The following TEKTIP1 variants were observed in gnomAD, a reference collection of about 807,000 sequenced individuals.
TEKTIP1 encodes tektin bundle interacting protein 1, also known as tektin bundle-interacting protein 1.
the TEKTIP1 span, chr19:3,543,620 C>T: frequency 2.6e-6 from 4 of 1,544,796 alleles, no homozygotes; most frequent in South Asian, 1.2e-5. Context: ...GTACCAGGCC[C>T]CCAGCACCCG....
At chr19:3,543,075 T>TGAGG in the TEKTIP1 span, 1 of 1,585,634 alleles carries the variant, frequency 6.3e-7, no homozygotes, top group South Asian at 1.1e-5. Flanking sequence ...CACTCTGGGG[T>TGAGG]GAGGGGTACA....
At chr19:3,540,804 C>T in the TEKTIP1 span, among the ~76,000 whole-genome samples, 2 of 132,636 alleles carry the variant, frequency 1.5e-5, no homozygotes, top group African/African-American at 2.9e-5. Flanking sequence ...ACTTGAACCT[C>T]GGAGGCAGAG....
the TEKTIP1 span, among the ~76,000 whole-genome samples, chr19:3,540,547 C>T: frequency 6.6e-6 from 1 of 151,734 alleles, no homozygotes; most frequent in African/African-American, 2.4e-5. Context: ...TGAGGCACCG[C>T]GCCTAGCTGT....
At chr19:3,541,037 C>T in the TEKTIP1 span, among the ~76,000 whole-genome samples, 76 of 150,456 alleles carry the variant, frequency 5.1e-4, no homozygotes, top group Non-Finnish European at 9.3e-4. Context: ...GTTGTGGTGG[C>T]GGGCGCCTGC....
the TEKTIP1 span, chr19:3,543,644 C>T: frequency 6.5e-7 from 1 of 1,544,044 alleles, no homozygotes. Context: ...GGGGAGCGCG[C>T]TGTGGAAAGA....
At chr19:3,542,230 G>T in the TEKTIP1 span, 1 of 985,348 alleles carries the variant, frequency 1.0e-6, no homozygotes, top group African/African-American at 1.7e-5. Flanking sequence ...GTCTATGTGG[G>T]GTCCCTCAAA....
the TEKTIP1 span, among the ~76,000 whole-genome samples, chr19:3,540,370 G>A: frequency 2.0e-5 from 3 of 151,632 alleles, no homozygotes; most frequent in South Asian, 6.2e-4. Flanking sequence ...CGATTCTCCT[G>A]CCTCAGCCTC....
the TEKTIP1 span, chr19:3,539,274 T>TACAGGTGAGCCCCTCCCA: frequency 6.5e-7 from 1 of 1,529,056 alleles, no homozygotes; most frequent in Non-Finnish European, 8.9e-7. Context: ...AGCCCCTCCC[T>TACAGGTGAGCCCCTCCCA]ACAGGTGAGC....
the TEKTIP1 span, chr19:3,539,428 TG>T: frequency 1.2e-5 from 7 of 589,296 alleles, no homozygotes; most frequent in Non-Finnish European, 2.1e-5. Flanking sequence ...CTCCGGCCAG[TG>T]GCCGCTCACT....
chr19:3,543,487 C>CCT, the TEKTIP1 span: 1 of 1,519,526 alleles, frequency 6.6e-7, no homozygotes, highest in Non-Finnish European at 8.8e-7. Flanking sequence ...AGTGCCCCCC[C>CCT]CCCCGCCCTG....
the TEKTIP1 span, chr19:3,541,840 GCT>G: frequency 2.1e-6 from 2 of 964,950 alleles, no homozygotes; most frequent in Non-Finnish European, 2.5e-6. Flanking sequence ...ACAGAGTCTC[GCT>G]CTCTCACCCA....
chr19:3,543,500 C>T, the TEKTIP1 span: 7 of 1,207,258 alleles, frequency 5.8e-6, no homozygotes, highest in Non-Finnish European at 5.6e-6. Context: ...CCGCCCTGGG[C>T]AGCGGGCCTG....
the TEKTIP1 span, chr19:3,543,665 C>T: frequency 2.4e-5 from 37 of 1,540,324 alleles, no homozygotes; most frequent in Admixed American, 7.9e-5. Flanking sequence ...CAGGCCAATC[C>T]GGGGCAAGGA....
the TEKTIP1 span, among the ~76,000 whole-genome samples, chr19:3,540,828 G>T: frequency 7.2e-6 from 1 of 139,806 alleles, no homozygotes; most frequent in Admixed American, 7.4e-5. Context: ...GCAGTGAGCC[G>T]AGATCGTGCC....
chr19:3,542,475 CTT>C, the TEKTIP1 span: 3 of 984,650 alleles, frequency 3.0e-6, no homozygotes, highest in South Asian at 4.7e-5. Flanking sequence ...CTTTGAGTCT[CTT>C]GTCTTTTTGT....
the TEKTIP1 span, chr19:3,539,956 T>G: frequency 6.6e-6 from 1 of 152,124 alleles, no homozygotes; most frequent in Non-Finnish European, 1.5e-5. Context: ...GGAAAGAAAT[T>G]AAACCAAGAT....
the TEKTIP1 span, chr19:3,542,631 C>G: frequency 1.9e-6 from 2 of 1,026,356 alleles, no homozygotes; most frequent in Non-Finnish European, 2.5e-6. Flanking sequence ...CCCCCGCCCC[C>G]ACACCATGCC....
chr19:3,539,391 A>G, the TEKTIP1 span: 12 of 624,404 alleles, frequency 1.9e-5, no homozygotes, highest in Middle Eastern at 2.6e-4. Flanking sequence ...CATGTGTGTG[A>G]CGTCCCCTCC....
At chr19:3,542,318 T>C in the TEKTIP1 span, 11 of 985,300 alleles carry the variant, frequency 1.1e-5, no homozygotes, top group Non-Finnish European at 1.2e-5. Flanking sequence ...GCAGAGTTCC[T>C]GCCATGAGAG....
Sources: gnomAD v4.1 joint callset for allele counts (sites outside exome capture counted in the v4.1 genomes callset) on GRCh38, gnomAD v4.1.1 for gene constraint, MANE v1.5 for transcripts, NCBI Gene and HGNC (gene_info 2026-07-23, HGNC 2026-07-21) for gene names.